PSMA6: variants seen among roughly 807,000 people sequenced by gnomAD.
PSMA6 encodes proteasome subunit alpha type-6.
For missense variants in PSMA6, 170 were observed against 294.8 expected (o/e 0.58, Z 3.10); for synonymous variants, 88 against 97.7 (o/e 0.90, Z 0.59).
intron 1 of PSMA6, among the ~76,000 whole-genome samples, chr14:35,296,141 T>G (rs114741845): frequency 1.1e-3 from 164 of 152,322 alleles, no homozygotes; most frequent in African/African-American, 3.8e-3. Context: ...CATTGTGTAT[T>G]GAAGCCAGAA....
intron 6 of PSMA6, chr14:35,315,210 A>G (rs2052023184): frequency 6.6e-6 from 1 of 152,136 alleles, no homozygotes; most frequent in African/African-American, 2.4e-5. Context: ...ATGTGTATCT[A>G]TTCTTAGATC....
At chr14:35,280,811 C>T (rs2051358770) in intron 1 of PSMA6, among the ~76,000 whole-genome samples, 1 of 151,998 alleles carries the variant, frequency 6.6e-6, no homozygotes, top group Non-Finnish European at 1.5e-5. Context: ...ACTGCAGCCT[C>T]AAACTCCTGG....
intron 2 of PSMA6, 70 bp from the exon 3 acceptor site, chr14:35,308,844 A>AT (rs891168480): frequency 4.2e-5 from 49 of 1,178,248 alleles, no homozygotes; most frequent in Middle Eastern, 2.0e-4. Context: ...TAAAAACATA[A>AT]TTTTTTTTAT....
At chr14:35,286,502 G>A (rs1346757925) in intron 1 of PSMA6, among the ~76,000 whole-genome samples, 1 of 152,110 alleles carries the variant, frequency 6.6e-6, no homozygotes, top group African/African-American at 2.4e-5. Flanking sequence ...TGAGCATCGG[G>A]TTTTCATTTA....
At chr14:35,302,070 C>T (rs989969817) in intron 1 of PSMA6, among the ~76,000 whole-genome samples, 3 of 151,834 alleles carry the variant, frequency 2.0e-5, no homozygotes, top group Non-Finnish European at 4.4e-5. Context: ...AAAATCACAT[C>T]TCTAAAGACC....
chr14:35,281,773 T>A (rs7142115), intron 1 of PSMA6, among the ~76,000 whole-genome samples: 31,032 of 152,100 alleles, frequency 0.2, 5,569 homozygotes, highest in African/African-American at 0.48. Flanking sequence ...AATTTTTTTT[T>A]AAATTATAAA....
intron 4 of PSMA6, among the ~76,000 whole-genome samples, chr14:35,312,257 AGC>A (rs2051958065): frequency 6.6e-6 from 1 of 151,140 alleles, no homozygotes; most frequent in South Asian, 2.1e-4. Context: ...CTGTAATCCC[AGC>A]ACTTTGGGAG....
chr14:35,307,047 C>G (rs2051841965), intron 1 of PSMA6, among the ~76,000 whole-genome samples: 5 of 152,138 alleles, frequency 3.3e-5, no homozygotes, highest in Admixed American at 3.3e-4. Context: ...ACTCAGGAGG[C>G]TGAGGCAGGA....
At chr14:35,306,509 G>C (rs1244334793) in intron 1 of PSMA6, among the ~76,000 whole-genome samples, 1 of 152,098 alleles carries the variant, frequency 6.6e-6, no homozygotes. Flanking sequence ...TTCAAGACCA[G>C]CCTAGTCAAC....
chr14:35,317,403 C>G lies in PSMA6; in HGVS notation c.*97C>G. 1.9e-6 allele frequency: 2 copies of G among 1,076,076 alleles called. No individual in the cohort carries two copies. The highest frequency in any genetic ancestry group is 2.8e-6 in the Non-Finnish European group (2 of 706,252). The allele number at this position is 1,076,076 out of a possible 1,614,324, so 66.7% of individuals were successfully genotyped here. A position where few individuals can be genotyped will look rare whatever the true frequency, so the allele number is the denominator to read the frequency against. On this transcript the variant is annotated 3_prime_UTR_variant, in exon 7 of 7. Coordinates refer to ENST00000261479, the MANE Select transcript of PSMA6 (RefSeq NM_002791.3). ...GGAGGTCCCTGGATTGAAAAAGGAGCCTCTCCCACTCCTCCTACCACCGAA... is the reference window on the plus strand; with the variant it reads ...GGAGGTCCCTGGATTGAAAAAGGAGGCTCTCCCACTCCTCCTACCACCGAA...
intron 1 of PSMA6, among the ~76,000 whole-genome samples, chr14:35,286,497 A>G (rs1315464093): frequency 1.3e-5 from 2 of 152,226 alleles, no homozygotes; most frequent in African/African-American, 4.8e-5. Flanking sequence ...GAAGCTGAGC[A>G]TCGGGTTTTC....
intron 1 of PSMA6, among the ~76,000 whole-genome samples, chr14:35,299,084 T>C (rs2051657555): frequency 6.6e-6 from 1 of 152,156 alleles, no homozygotes; most frequent in Non-Finnish European, 1.5e-5. Flanking sequence ...TGGAGTGCAG[T>C]GGTGTAATCA....
intron 6 of PSMA6, chr14:35,314,670 A>T: frequency 5.0e-6 from 2 of 398,594 alleles, no homozygotes; most frequent in Non-Finnish European, 7.9e-6. Context: ...TTTCAGAGTG[A>T]TTTTATATCT....
intron 1 of PSMA6, among the ~76,000 whole-genome samples, chr14:35,294,975 A>T (rs2051555232): frequency 6.6e-6 from 1 of 152,228 alleles, no homozygotes; most frequent in Non-Finnish European, 1.5e-5. Context: ...TTTATCTTCC[A>T]TACTTGGGAC....
At chr14:35,313,268 C>T (rs1214210790) in intron 5 of PSMA6, 1 of 481,164 alleles carries the variant, frequency 2.1e-6, no homozygotes, top group Admixed American at 4.4e-5. Context: ...TTTGAGGTGG[C>T]TTTCAACAAA....
At chr14:35,300,519 GAGGTTTGCTCAGTATC>G (rs1279470437) in intron 1 of PSMA6, among the ~76,000 whole-genome samples, 27 of 152,248 alleles carry the variant, frequency 1.8e-4, no homozygotes, top group South Asian at 6.2e-4. Context: ...ACAATTAGAA[GAGGTTTGCTCAGTATC>G]AGTAATTCAT....
intron 1 of PSMA6, among the ~76,000 whole-genome samples, chr14:35,303,830 G>A (rs772140336): frequency 5.3e-5 from 8 of 151,656 alleles, no homozygotes; most frequent in African/African-American, 1.7e-4. Flanking sequence ...GTCATTATTC[G>A]CTAAACAATG....
intron 4 of PSMA6, among the ~76,000 whole-genome samples, chr14:35,312,319 A>G (rs1237206584): frequency 6.6e-6 from 1 of 152,034 alleles, no homozygotes; most frequent in East Asian, 1.9e-4. Flanking sequence ...AGTCCTGGCT[A>G]ACACGGCGAA....
chr14:35,302,528 T>G (rs973553568), intron 1 of PSMA6, among the ~76,000 whole-genome samples: 5 of 152,196 alleles, frequency 3.3e-5, no homozygotes, highest in Non-Finnish European at 7.3e-5. Flanking sequence ...TTCATTTTGC[T>G]TGGAGTTTTC....
Sources: allele counts gnomAD v4.1 joint callset (sites outside exome capture counted in the v4.1 genomes callset), GRCh38; gene constraint gnomAD v4.1.1; transcripts MANE v1.5; gene names NCBI Gene and HGNC (gene_info 2026-07-23, HGNC 2026-07-21).